Variants in AKAIN1 observed in about 807,000 individuals in gnomAD.
AKAIN1 encodes A-kinase anchor protein inhibitor 1.
A neutral mutation model predicts 3.7 loss-of-function variants in AKAIN1; 3 were observed. The ratio of observed to expected loss-of-function variants is 0.82; its 90% CI spans 0.37 to 2.12. The LOEUF is 2.12. Ranked by LOEUF, AKAIN1 falls within the 30% of genes most tolerant of loss-of-function variation. The probability of loss-of-function intolerance (pLI) is 0.06; values close to 1 mark genes in which losing one functional copy is unlikely to be tolerated. For missense variants in AKAIN1, 82 were observed against 82.7 expected, an observed-to-expected ratio of 0.99 and a Z score of 0.03; for synonymous variants, 31 against 30.8, an observed-to-expected ratio of 1.01 and a Z score of -0.02.
chr18:5,187,718 T>G (rs2071295595), intron 1 of AKAIN1, among the ~76,000 whole-genome samples: 1 of 152,122 alleles, frequency 6.6e-6, no homozygotes, highest in Non-Finnish European at 1.5e-5. Flanking sequence ...TGGAGGGACA[T>G]CCAAACTACC....
chr18:5,173,303 A>C (rs1254293753), intron 1 of AKAIN1, among the ~76,000 whole-genome samples: 1 of 152,164 alleles, frequency 6.6e-6, no homozygotes, highest in African/African-American at 2.4e-5. Context: ...GTTACATTTT[A>C]TAGCTTTCCA....
At chr18:5,152,543 T>C (rs1257068663) in intron 1 of AKAIN1, among the ~76,000 whole-genome samples, 1 of 152,174 alleles carries the variant, frequency 6.6e-6, no homozygotes, top group Non-Finnish European at 1.5e-5. Flanking sequence ...CCTGTTTTCC[T>C]CTGTTGCAAC....
At chr18:5,146,737 T>A (rs1322942195) in intron 1 of AKAIN1, among the ~76,000 whole-genome samples, 1 of 152,166 alleles carries the variant, frequency 6.6e-6, no homozygotes, top group Non-Finnish European at 1.5e-5. Context: ...AGTTCATGGG[T>A]CGTACAACTT....
intron 1 of AKAIN1, among the ~76,000 whole-genome samples, chr18:5,167,076 T>G (rs2143340606): frequency 6.6e-6 from 1 of 152,140 alleles, no homozygotes; most frequent in South Asian, 2.1e-4. Flanking sequence ...TGTTAAAAAC[T>G]ATATGATAAT....
chr18:5,192,746 C>A (rs1315050245), intron 1 of AKAIN1, among the ~76,000 whole-genome samples: 1 of 151,704 alleles, frequency 6.6e-6, no homozygotes, highest in Non-Finnish European at 1.5e-5. Flanking sequence ...AAAGGCAAAT[C>A]CATGGGGATA....
intron 1 of AKAIN1, among the ~76,000 whole-genome samples, chr18:5,189,496 T>A (rs907727131): frequency 6.6e-6 from 1 of 152,168 alleles, no homozygotes; most frequent in Non-Finnish European, 1.5e-5. Context: ...CATCTCACTG[T>A]ATGCTATTAA....
At chr18:5,179,375 T>C (rs1272147757) in intron 1 of AKAIN1, among the ~76,000 whole-genome samples, 1 of 152,030 alleles carries the variant, frequency 6.6e-6, no homozygotes, top group Non-Finnish European at 1.5e-5. Context: ...AAAGACATGA[T>C]TTCCTTCATT....
At chr18:5,164,409 G>T (rs761860724) in intron 1 of AKAIN1, among the ~76,000 whole-genome samples, 12 of 151,942 alleles carry the variant, frequency 7.9e-5, no homozygotes, top group Non-Finnish European at 1.3e-4. Flanking sequence ...TCACAATTTT[G>T]TATTTATTTT....
At chr18:5,155,194 TTGGGA>T (rs1299636570) in intron 1 of AKAIN1, among the ~76,000 whole-genome samples, 1 of 152,084 alleles carries the variant, frequency 6.6e-6, no homozygotes, top group Admixed American at 6.5e-5. Flanking sequence ...CAGCCTTCCT[TTGGGA>T]TAAGAGACCA....
intron 1 of AKAIN1, among the ~76,000 whole-genome samples, chr18:5,190,121 G>A (rs974103784): frequency 6.6e-6 from 1 of 152,166 alleles, no homozygotes; most frequent in Non-Finnish European, 1.5e-5. Context: ...GAGTAATGGG[G>A]CTGAAATCAT....
At chr18:5,192,413 CTTTCTTTCTTT>C (rs2071325169) in intron 1 of AKAIN1, among the ~76,000 whole-genome samples, 1 of 119,752 alleles carries the variant, frequency 8.4e-6, no homozygotes, top group South Asian at 3.2e-4. Context: ...TTCTTTCTTT[CTTTCTTTCTTT>C]CTTTCTTTCT....
chr18:5,193,765 A>G (rs2071334097), intron 1 of AKAIN1, among the ~76,000 whole-genome samples: 1 of 152,216 alleles, frequency 6.6e-6, no homozygotes, highest in African/African-American at 2.4e-5. Flanking sequence ...CAAAACCAAG[A>G]GCACTGTATT....
At chr18:5,197,482 C>G (rs1598320074), upstream of AKAIN1, 2 of 857,456 alleles carry the variant, frequency 2.3e-6, no homozygotes, top group Non-Finnish European at 2.9e-6. This position sits in a 1 kb window ranked among gnomAD's most constrained non-coding sequence, Gnocchi z 6.9. Context: ...GGATATTGGA[C>G]TGACATTTAA....
intron 1 of AKAIN1, among the ~76,000 whole-genome samples, chr18:5,156,715 G>T (rs116247585): frequency 1.3e-5 from 2 of 152,150 alleles, no homozygotes; most frequent in African/African-American, 2.4e-5. Flanking sequence ...AGTGTATTCC[G>T]ACTGCAGAAA....
chr18:5,172,965 C>A (rs940359313), intron 1 of AKAIN1, among the ~76,000 whole-genome samples: 2 of 151,970 alleles, frequency 1.3e-5, no homozygotes, highest in African/African-American at 4.8e-5. Flanking sequence ...GGTTAAAAAT[C>A]TTATTTAAAC....
At chr18:5,166,912 T>C (rs1019688394) in intron 1 of AKAIN1, among the ~76,000 whole-genome samples, 2 of 152,104 alleles carry the variant, frequency 1.3e-5, no homozygotes, top group African/African-American at 4.8e-5. Flanking sequence ...TTTTTCACCA[T>C]CTGCAAAATA....
At chr18:5,167,771 C>T (rs1281756987) in intron 1 of AKAIN1, among the ~76,000 whole-genome samples, 1 of 151,934 alleles carries the variant, frequency 6.6e-6, no homozygotes, top group Non-Finnish European at 1.5e-5. Flanking sequence ...TTCATCTAGC[C>T]TTTTTTCATA....
chr18:5,160,581 T>A (rs541677123), intron 1 of AKAIN1, among the ~76,000 whole-genome samples: 1 of 152,204 alleles, frequency 6.6e-6, no homozygotes, highest in East Asian at 1.9e-4. Context: ...CAAATCTGGG[T>A]TTTTTTATTC....
At chr18:5,161,237 T>A (rs2071137628) in intron 1 of AKAIN1, among the ~76,000 whole-genome samples, 1 of 152,108 alleles carries the variant, frequency 6.6e-6, no homozygotes, top group African/African-American at 2.4e-5. Flanking sequence ...TAAAAAAAAT[T>A]ATGTTTACAA....
Sources: gnomAD v4.1 joint callset for allele counts (sites outside exome capture counted in the v4.1 genomes callset) on GRCh38, gnomAD v4.1.1 for gene constraint, Gnocchi (gnomAD v3.1) non-coding constraint, MANE v1.5 for transcripts, NCBI Gene and HGNC (gene_info 2026-07-23, HGNC 2026-07-21) for gene names.